Variants in RPTOR observed in about 807,000 individuals in gnomAD.
RPTOR encodes the protein regulatory associated protein of MTOR complex 1.
In RPTOR, 21 loss-of-function variants were observed where a neutral mutation model predicts 169.9. The ratio of observed to expected loss-of-function variants is 0.12; its 90% CI spans 0.09 to 0.18. The LOEUF (loss-of-function observed/expected upper bound fraction) is 0.18, where lower values mean the gene tolerates loss of function less well. RPTOR is among the 10% of genes least tolerant of loss of function. The pLI, the probability that RPTOR is intolerant of heterozygous loss-of-function variation, is 1.00. For missense variants in RPTOR, 1,133 were observed against 1,855.9 expected, an observed-to-expected ratio of 0.61 and a Z score of 7.16; for synonymous variants, 732 against 753.2, an observed-to-expected ratio of 0.97 and a Z score of 0.46.
At chr17:80,735,330 C>G (rs2066425518) in intron 5 of RPTOR, among the ~76,000 whole-genome samples, 1 of 152,198 alleles carries the variant, frequency 6.6e-6, no homozygotes, top group South Asian at 2.1e-4. Flanking sequence ...CTTGATAAGT[C>G]TGCCACCTCC....
chr17:80,940,534 G>A lies in RPTOR; in HGVS notation c.2958G>A (p.Lys986=), dbSNP rs1279422937. ...EEHDLESQIR[K]EREWRFLRNS... is the part of the protein sequence containing the mutation. The stretch of plus-strand genomic sequence containing the variant: ...ACGACCTGGAGAGTCAGATCCGCAA[G>A]GAGCGGGAGTGGCGGTTCCTGCGAA... The change falls in exon 25 of 34, where the codon AAG becomes AAA. Residue 986 remains lysine, a synonymous_variant. Coordinates refer to ENST00000306801, the MANE Select transcript of RPTOR (RefSeq NM_020761.3). 6.2e-7 allele frequency: 1 copy of A among 1,613,940 alleles called. No homozygotes were observed. Among genetic ancestry groups the A allele is most frequent in the Non-Finnish European group, 8.5e-7 (1 of 1,179,964 alleles).
chr17:80,795,527 A>G (rs553261655), intron 7 of RPTOR, among the ~76,000 whole-genome samples: 122 of 152,150 alleles, frequency 8.0e-4, no homozygotes, highest in African/African-American at 2.7e-3. Flanking sequence ...TCCTGTGCCA[A>G]GTGATGCTAT....
intron 11 of RPTOR, 124 bp from the exon 12 acceptor site, chr17:80,855,340 T>G: frequency 1.4e-6 from 1 of 701,762 alleles, no homozygotes. Context: ...TCTAGGTAAC[T>G]GAAGCAGCAG....
At chr17:80,735,974 C>A (rs2066430267) in intron 5 of RPTOR, among the ~76,000 whole-genome samples, 1 of 152,114 alleles carries the variant, frequency 6.6e-6, no homozygotes, top group African/African-American at 2.4e-5. Context: ...GAGTTCAAGA[C>A]CAGCCTGGGC....
rs141278775 is a variant in RPTOR, at chr17:80,924,030, T to C, written c.2808+357T>C. 1,920 of 327,424 alleles carry C rather than the reference T, an allele frequency of 5.9e-3. 9 individuals are homozygous for C. The highest frequency in any genetic ancestry group is 8.3e-3 in the Non-Finnish European group (1,478 of 177,102). 20.3% of individuals were successfully genotyped at this position (327,424 alleles called of 1,614,324 possible). A position where few individuals can be genotyped will look rare whatever the true frequency, so the allele number is the denominator to read the frequency against. ...AGCACGGAGTTACCTGGCTCTGCCC[T>C]TCCTGGGCACACAGCACTCTGCGTC... On this transcript the variant is annotated intron_variant, in intron 23 of 33. Coordinates refer to ENST00000306801, the MANE Select transcript of RPTOR (RefSeq NM_020761.3).
chr17:80,848,782 T>G (rs1321596952), intron 11 of RPTOR, among the ~76,000 whole-genome samples: 1 of 152,250 alleles, frequency 6.6e-6, no homozygotes, highest in Non-Finnish European at 1.5e-5. Context: ...CCAGTTCTTT[T>G]GGGTCCAGCA....
At chr17:80,546,889 T>G (rs1599537280) in intron 1 of RPTOR, among the ~76,000 whole-genome samples, 1 of 152,078 alleles carries the variant, frequency 6.6e-6, no homozygotes, top group East Asian at 1.9e-4. Context: ...GCCAACATGG[T>G]GAAACCCTGT....
chr17:80,685,258 G>A (rs777843896), intron 3 of RPTOR, among the ~76,000 whole-genome samples: 3 of 114,802 alleles, frequency 2.6e-5, no homozygotes, highest in African/African-American at 1.0e-4. Context: ...AAATGCTCTC[G>A]GTGTAGTTTT....
intron 6 of RPTOR, among the ~76,000 whole-genome samples, chr17:80,779,163 C>T (rs993548669): frequency 2.6e-5 from 4 of 152,304 alleles, no homozygotes; most frequent in African/African-American, 7.2e-5. Context: ...ATGGTCCTGC[C>T]GGACTAGGCA....
At chr17:80,713,351 G>T (rs1224277535) in intron 4 of RPTOR, among the ~76,000 whole-genome samples, 1 of 152,200 alleles carries the variant, frequency 6.6e-6, no homozygotes, top group Non-Finnish European at 1.5e-5. Flanking sequence ...CGGCCTGGAT[G>T]CCAGTTCTTT....
chr17:80,951,042 C>T (rs139525065), intron 28 of RPTOR, among the ~76,000 whole-genome samples: 2 of 152,140 alleles, frequency 1.3e-5, no homozygotes, highest in Admixed American at 6.5e-5. Context: ...TGGCTAGCCC[C>T]GGGGTCCATG....
chr17:80,625,628 GA>G (rs2065387372), intron 1 of RPTOR, 62 bp from the exon 2 acceptor site: 11 of 1,310,282 alleles, frequency 8.4e-6, no homozygotes, highest in Non-Finnish European at 1.2e-5. Flanking sequence ...TTAAAAGCTG[GA>G]AAAACACATA....
At chr17:80,618,545 C>T (rs982319186) in intron 1 of RPTOR, among the ~76,000 whole-genome samples, 1 of 152,134 alleles carries the variant, frequency 6.6e-6, no homozygotes, top group Non-Finnish European at 1.5e-5. Flanking sequence ...TCGCCGTGGG[C>T]GAGGCCTCCT....
intron 13 of RPTOR, chr17:80,858,160 C>A: frequency 2.0e-6 from 1 of 500,434 alleles, no homozygotes; most frequent in Non-Finnish European, 3.6e-6. Flanking sequence ...CCGTCCTGTC[C>A]CTGGCCTTCC....
intron 3 of RPTOR, among the ~76,000 whole-genome samples, chr17:80,666,006 T>C (rs2065776183): frequency 6.6e-6 from 1 of 152,194 alleles, no homozygotes; most frequent in Admixed American, 6.5e-5. Flanking sequence ...TGTTGTGAAA[T>C]GTTTACCATG....
At chr17:80,620,448 G>A (rs1035222238) in intron 1 of RPTOR, among the ~76,000 whole-genome samples, 1 of 152,126 alleles carries the variant, frequency 6.6e-6, no homozygotes, top group South Asian at 2.1e-4. Flanking sequence ...GACATTTTAG[G>A]TATAGCTAAG....
At chr17:80,755,085 G>A (rs1004269549) in intron 6 of RPTOR, among the ~76,000 whole-genome samples, 1 of 152,116 alleles carries the variant, frequency 6.6e-6, no homozygotes, top group Admixed American at 6.5e-5. Flanking sequence ...GAGGGGCAGG[G>A]CAGCCTGAGG....
At chr17:80,911,111 G>A (rs981346350) in intron 21 of RPTOR, among the ~76,000 whole-genome samples, 11 of 152,198 alleles carry the variant, frequency 7.2e-5, no homozygotes, top group Admixed American at 2.6e-4. Context: ...GATTACAGGC[G>A]TGAGCCACTG....
At chr17:80,553,814 T>G (rs972097797) in intron 1 of RPTOR, among the ~76,000 whole-genome samples, 1 of 152,052 alleles carries the variant, frequency 6.6e-6, no homozygotes, top group African/African-American at 2.4e-5. Context: ...CGATCTCGGC[T>G]CACTGCAACC....
Sources: gnomAD v4.1 joint callset for allele counts (sites outside exome capture counted in the v4.1 genomes callset) on GRCh38, gnomAD v4.1.1 for gene constraint, MANE v1.5 for transcripts, NCBI Gene and HGNC (gene_info 2026-07-23, HGNC 2026-07-21) for gene names.